Variants in DNMT3B observed in about 807,000 individuals in gnomAD.
The protein encoded by DNMT3B is DNA methyltransferase 3 beta, also known as DNA (cytosine-5)-methyltransferase 3B.
A neutral mutation model predicts 120.2 loss-of-function variants in DNMT3B; 37 were observed. The ratio of observed to expected loss-of-function variants is 0.31; its 90% confidence interval spans 0.24 to 0.40. DNMT3B has a LOEUF of 0.40. DNMT3B is among the 10% of genes least tolerant of loss of function. DNMT3B has a pLI of 1.00. For missense variants in DNMT3B, 878 were observed against 1,137.3 expected, an observed-to-expected ratio of 0.77 and a Z score of 3.28; for synonymous variants, 412 against 442.8, an observed-to-expected ratio of 0.93 and a Z score of 0.87.
At chr20:32,805,607 C>T (rs1361790812) in intron 21 of DNMT3B, among the ~76,000 whole-genome samples, 200 bp downstream of exon 21, 1 of 151,950 alleles carries the variant, frequency 6.6e-6, no homozygotes, top group African/African-American at 2.4e-5. Context: ...GTAATCACGA[C>T]GAGAAAAGGC....
At chr20:32,795,831 G>A (rs1240474819) in intron 12 of DNMT3B, 137 bp downstream of exon 12, 2 of 1,123,696 alleles carry the variant, frequency 1.8e-6, no homozygotes, top group African/African-American at 3.1e-5. Flanking sequence ...CCTATTTCTG[G>A]ACCCTGCATC....
Position 32,762,393 on chromosome 20 carries a change from C to A in DNMT3B, c.-313C>A, listed in dbSNP as rs1299186050. Reference sequence around the variant, plus strand: ...GGCACCGCCCCCTCCCCACCCACTCCCGCTGCCCCGTCCGGCCCGCGCCGC... The same window carrying A: ...GGCACCGCCCCCTCCCCACCCACTCACGCTGCCCCGTCCGGCCCGCGCCGC... On this transcript the variant is annotated 5_prime_UTR_variant, in exon 1 of 23. Transcript: ENST00000328111. 1.3e-5 allele frequency: 2 copies of A among 154,044 alleles called. No homozygotes were observed. The highest frequency in any genetic ancestry group is 4.8e-5 in the African/African-American group (2 of 41,400). 9.5% of individuals were successfully genotyped at this position (154,044 alleles called of 1,614,324 possible).
At chr20:32,786,186 C>T (rs1079957) in intron 4 of DNMT3B, among the ~76,000 whole-genome samples, 43 of 152,350 alleles carry the variant, frequency 2.8e-4, no homozygotes, top group African/African-American at 1.0e-3. Flanking sequence ...CTGCGCTTGG[C>T]CAGATTTTTA....
chr20:32,799,424 A>T lies in DNMT3B; in HGVS notation c.1759+96A>T, dbSNP rs138985819. ...GGTTAAGGTGTCTGACATCAGTGGC[A>T]AGAAAGGTCCCTGGGGATTACCAGC... On this transcript the variant is annotated intron_variant, in intron 16 of 22. Transcript: ENST00000328111. The T allele has an allele frequency of 1.8e-4, 254 of 1,384,804 alleles. 2 individuals carry two copies. In the East Asian group the frequency reaches 5.0e-3, roughly 27 times the overall value. The allele number at this position is 1,384,804 out of a possible 1,614,324, so 85.8% of individuals were successfully genotyped here.
intron 3 of DNMT3B, among the ~76,000 whole-genome samples, 175 bp from the exon 4 acceptor site, chr20:32,784,583 C>T (rs780618991): frequency 2.3e-4 from 35 of 152,144 alleles, no homozygotes; most frequent in Non-Finnish European, 4.1e-4. Context: ...CCATTGCTTC[C>T]GGGGCATCTG....
At chr20:32,798,236 A>G (rs1980878001) in intron 14 of DNMT3B, among the ~76,000 whole-genome samples, 1 of 152,144 alleles carries the variant, frequency 6.6e-6, no homozygotes, top group Non-Finnish European at 1.5e-5. Flanking sequence ...TTGTCGGGAG[A>G]GCATTTCTGA....
intron 1 of DNMT3B, among the ~76,000 whole-genome samples, chr20:32,766,960 G>A (rs921678835): frequency 2.0e-5 from 3 of 151,480 alleles, no homozygotes; most frequent in East Asian, 3.9e-4. Flanking sequence ...GCGTGGTCTC[G>A]GCTCACTGCA....
At chr20:32,782,539 G>A (rs1978750530) in intron 3 of DNMT3B, among the ~76,000 whole-genome samples, 1 of 152,200 alleles carries the variant, frequency 6.6e-6, no homozygotes, top group African/African-American at 2.4e-5. Flanking sequence ...AAGTGCAAAG[G>A]AGGAAGACAC....
intron 15 of DNMT3B, 56 bp downstream of exon 15, chr20:32,798,699 GA>G: frequency 1.2e-6 from 2 of 1,609,386 alleles, no homozygotes; most frequent in Non-Finnish European, 1.7e-6. Flanking sequence ...CAGGGTGTTG[GA>G]AAGCTCTGGA....
rs772085974 is a variant in DNMT3B, at chr20:32,780,175, G to T, written c.-6-143G>T. ...GGGGGAGGCTATGGGGGGCAGCCTG[G>T]GTGGGGTACTTGGGCAAGAGCATCA... On this transcript the variant is annotated intron_variant, in intron 1 of 22. Transcript: ENST00000328111. The T allele has an allele frequency of 8.7e-6, 14 of 1,613,166 alleles. No individual in the cohort carries two copies. The Admixed American group carries it at 2.2e-4, about 25-fold the overall frequency.
chr20:32,786,183 T>C (rs1979265555), intron 4 of DNMT3B, among the ~76,000 whole-genome samples: 2 of 152,238 alleles, frequency 1.3e-5, no homozygotes, highest in African/African-American at 4.8e-5. Flanking sequence ...CCACTGCGCT[T>C]GGCCAGATTT....
At chr20:32,806,357 C>G (rs777561050) in intron 22 of DNMT3B, 30 bp downstream of exon 22, 2 of 1,600,946 alleles carry the variant, frequency 1.2e-6, no homozygotes, top group Non-Finnish European at 1.7e-6. Flanking sequence ...GAGAGGGAAA[C>G]TGTGTAGATC....
At chr20:32,776,801 G>T in intron 1 of DNMT3B, among the ~76,000 whole-genome samples, 1 of 152,296 alleles carries the variant, frequency 6.6e-6, no homozygotes, top group African/African-American at 2.4e-5. Flanking sequence ...TTTTATTCCT[G>T]GATTTTGAGC....
intron 21 of DNMT3B, 148 bp from the exon 22 acceptor site, chr20:32,806,061 A>G (rs1981943523): frequency 5.0e-6 from 4 of 792,346 alleles, no homozygotes; most frequent in South Asian, 2.9e-5. Flanking sequence ...TCTCCCTTCC[A>G]TCTTTCCCAG....
At chr20:32,796,116 A>C (rs967084738) in intron 12 of DNMT3B, among the ~76,000 whole-genome samples, 18 of 152,204 alleles carry the variant, frequency 1.2e-4, no homozygotes, top group African/African-American at 4.3e-4. Flanking sequence ...CATGGAATAC[A>C]GAATGTGTGA....
chr20:32,788,529 T>A (rs1273768319), intron 6 of DNMT3B, among the ~76,000 whole-genome samples: 1 of 152,220 alleles, frequency 6.6e-6, no homozygotes, highest in Non-Finnish European at 1.5e-5. Flanking sequence ...CTCAAACTCC[T>A]GGCCTCAAGC....
At chr20:32,779,854 A>C in intron 1 of DNMT3B, 4 of 577,736 alleles carry the variant, frequency 6.9e-6, no homozygotes, top group African/African-American at 1.9e-5. Context: ...ATTGAGGGGA[A>C]GGGAGAGAGC....
rs1982218619 is a variant in DNMT3B, at chr20:32,808,674, T to C, written c.*771T>C. 1.3e-5 allele frequency: 3 copies of C among 229,984 alleles called. No homozygotes were observed. In the East Asian group the frequency reaches 1.9e-4, roughly 14 times the overall value. 14.2% of individuals were successfully genotyped at this position (229,984 alleles called of 1,614,324 possible). On this transcript the variant is annotated 3_prime_UTR_variant, in exon 23 of 23. Coordinates refer to ENST00000328111, the MANE Select transcript of DNMT3B (RefSeq NM_006892.4). ...CCTCTGGGGAGCTCAGGAAGGGGTG[T>C]GCTGAGTTCTATAATATAAGCTGCC...
intron 13 of DNMT3B, 140 bp from the exon 14 acceptor site, chr20:32,797,047 A>T: frequency 6.2e-7 from 1 of 1,606,688 alleles, no homozygotes; most frequent in East Asian, 2.2e-5. Context: ...CACGCAGGTC[A>T]CAGCCAGTTG....
Sources: gnomAD v4.1 joint callset for allele counts (sites outside exome capture counted in the v4.1 genomes callset) on GRCh38, gnomAD v4.1.1 for gene constraint, MANE v1.5 for transcripts, NCBI Gene and HGNC (gene_info 2026-07-23, HGNC 2026-07-21) for gene names.